The following GIPC2 variants were observed in gnomAD, a reference collection of about 807,000 sequenced individuals.
The protein encoded by GIPC2 is PDZ domain-containing protein GIPC2.
GIPC2 carries 30 observed loss-of-function variants against 30.6 expected under a neutral mutation model. The observed-to-expected ratio is 0.98, with a 90% CI of 0.73 to 1.33. The LOEUF (loss-of-function observed/expected upper bound fraction) is 1.33. Among genes scored for constraint, GIPC2 ranks in the 40% most tolerant of loss-of-function variants. GIPC2 has a pLI of 0.00. For synonymous variants in GIPC2, 167 were observed against 150.0 expected, an observed-to-expected ratio of 1.11 and a Z score of -0.83; for missense variants, 414 against 390.3, an observed-to-expected ratio of 1.06 and a Z score of -0.51.
upstream of GIPC2, chr1:78,045,486 A>G: frequency 1.2e-6 from 1 of 859,942 alleles, no homozygotes; most frequent in Non-Finnish European, 1.4e-6. Context: ...GAAGCAGCCC[A>G]GGAAATAGGC....
At chr1:78,098,686 C>T (rs1019995762) in intron 3 of GIPC2, among the ~76,000 whole-genome samples, 1 of 152,074 alleles carries the variant, frequency 6.6e-6, no homozygotes, top group Non-Finnish European at 1.5e-5. Context: ...CCTTAGAATG[C>T]AACTGGATTT....
At chr1:78,100,235 A>G (rs1033756087) in intron 3 of GIPC2, among the ~76,000 whole-genome samples, 10 of 152,222 alleles carry the variant, frequency 6.6e-5, no homozygotes, top group Admixed American at 2.6e-4. Context: ...TGCTGGAGCC[A>G]TTTGTACACA....
intron 1 of GIPC2, among the ~76,000 whole-genome samples, chr1:78,052,293 T>C (rs1038635393): frequency 3.3e-5 from 5 of 152,234 alleles, no homozygotes; most frequent in Admixed American, 3.3e-4. Context: ...ATATTTAACT[T>C]ATTTTGTTTA....
chr1:78,121,580 G>A (rs578251994), intron 4 of GIPC2, among the ~76,000 whole-genome samples: 1 of 152,222 alleles, frequency 6.6e-6, no homozygotes, highest in Non-Finnish European at 1.5e-5. Context: ...TCAGTTTTGG[G>A]GGGATCTAGA....
At chr1:78,047,359 G>A (rs1661114123) in intron 1 of GIPC2, among the ~76,000 whole-genome samples, 1 of 152,156 alleles carries the variant, frequency 6.6e-6, no homozygotes, top group Non-Finnish European at 1.5e-5. Context: ...TCTGTTCAAG[G>A]GAAATTGAGG....
intron 1 of GIPC2, among the ~76,000 whole-genome samples, chr1:78,062,759 C>G (rs143439027): frequency 1.6e-3 from 239 of 152,040 alleles, no homozygotes; most frequent in African/African-American, 5.5e-3. Flanking sequence ...GGTGGTCCAC[C>G]CACCCAAAGT....
chr1:78,101,876 C>T (rs1458473957), intron 3 of GIPC2, among the ~76,000 whole-genome samples: 1 of 152,210 alleles, frequency 6.6e-6, no homozygotes, highest in African/African-American at 2.4e-5. Context: ...GAAAATCCCT[C>T]TTCCATTTAA....
intron 3 of GIPC2, among the ~76,000 whole-genome samples, chr1:78,116,787 G>T (rs1662576006): frequency 6.6e-6 from 1 of 152,126 alleles, no homozygotes; most frequent in African/African-American, 2.4e-5. Flanking sequence ...CCAAGTCTTT[G>T]CTATTGTGAA....
In GIPC2 at chr1:78,078,144, C is replaced by T. The variant is rs552215763; in HGVS notation, c.241-2531C>T. On this transcript the variant is annotated intron_variant, in intron 1 of 5. Transcript: ENST00000370759. ...CGGAGCTTGCAGTGAGCCGAGATCCCGCCACTGCACTCCAGCCTGGGCGAC... is the reference window on the plus strand; with the variant it reads ...CGGAGCTTGCAGTGAGCCGAGATCCTGCCACTGCACTCCAGCCTGGGCGAC... 3.5e-5 allele frequency among the ~76,000 whole-genome samples: 5 copies of T among 141,608 alleles called. No individual in the cohort carries two copies. In the East Asian group the frequency reaches 6.2e-4, roughly 18 times the overall value. The allele number at this position is 141,608 out of a possible 152,430, so 92.9% of individuals were successfully genotyped here. A position where few individuals can be genotyped will look rare whatever the true frequency, so the allele number is the denominator to read the frequency against.
chr1:78,089,965 T>C (rs770846845), intron 2 of GIPC2, among the ~76,000 whole-genome samples: 2 of 152,222 alleles, frequency 1.3e-5, no homozygotes, highest in Non-Finnish European at 2.9e-5. Context: ...AACTTACTCA[T>C]AGACACTGTA....
intron 3 of GIPC2, among the ~76,000 whole-genome samples, chr1:78,101,325 A>G (rs2100391830): frequency 6.6e-6 from 1 of 152,266 alleles, no homozygotes; most frequent in East Asian, 1.9e-4. Flanking sequence ...TAGAAAATGT[A>G]CCCTCAGAAT....
In GIPC2 at chr1:78,137,368, G is replaced by A. The variant is rs975644541; in HGVS notation, c.*1625G>A. ...TATTTTTAGGCATAAGATGACTTAG[G>A]AGGCCCATAGAAACATTCTCGTTTA... is the stretch of plus-strand genomic sequence containing the variant. On this transcript the variant is annotated 3_prime_UTR_variant, in exon 6 of 6. Coordinates refer to ENST00000370759, the MANE Select transcript of GIPC2 (RefSeq NM_017655.6). 1 of 152,030 alleles carries A rather than the reference G, an allele frequency of 6.6e-6. No individual in the cohort carries two copies. The highest frequency in any genetic ancestry group is 1.5e-5 in the Non-Finnish European group (1 of 67,976). The allele number at this position is 152,030 out of a possible 1,614,324, so 9.4% of individuals were successfully genotyped here.
At chr1:78,115,270 G>A (rs1326443997) in intron 3 of GIPC2, among the ~76,000 whole-genome samples, 8 of 152,026 alleles carry the variant, frequency 5.3e-5, no homozygotes, top group Admixed American at 4.6e-4. Flanking sequence ...AGTCAGATTG[G>A]CAATATATTA....
At chr1:78,069,107 A>G (rs1661571766) in intron 1 of GIPC2, 2 of 985,040 alleles carry the variant, frequency 2.0e-6, no homozygotes, top group East Asian at 2.3e-4. Context: ...GTTGCTGATA[A>G]TCAACAACTC....
chr1:78,056,263 G>A (rs776318945), intron 1 of GIPC2, among the ~76,000 whole-genome samples: 34 of 152,268 alleles, frequency 2.2e-4, no homozygotes, highest in Non-Finnish European at 4.9e-4. Context: ...GATCACTTGA[G>A]CTCAGGAGTT....
At position 78,095,244 on chromosome 1, in the gene GIPC2, T is replaced by G. The variant is rs1662116035; in HGVS notation, c.607+112T>G. On this transcript the variant is annotated intron_variant, in intron 3 of 5. Transcript: ENST00000370759. ...GCTATGTGCTTTTAGTGTCTTCTTA[T>G]CTAACATATCAGTTAAAAACATAGA... 1.5e-5 allele frequency: 10 copies of G among 655,688 alleles called. No homozygotes were observed. The South Asian group carries it at 1.9e-4, about 12-fold the overall frequency. The allele number at this position is 655,688 out of a possible 1,614,324, so 40.6% of individuals were successfully genotyped here. A position where few individuals can be genotyped will look rare whatever the true frequency, so the allele number is the denominator to read the frequency against.
At chr1:78,081,461 A>G (rs1232268137) in intron 2 of GIPC2, among the ~76,000 whole-genome samples, 1 of 152,186 alleles carries the variant, frequency 6.6e-6, no homozygotes, top group Non-Finnish European at 1.5e-5. Context: ...TAATCTAGAG[A>G]TGATTTAAAG....
chr1:78,046,459 G>A lies in GIPC2; in HGVS notation c.240+125G>A, dbSNP rs1172886624. ...AGCGCGAAATCCGATGCCGTGTTGA[G>A]TCCGCCGGGGGCGTCCCGGGGGAAA... On this transcript the variant is annotated intron_variant, in intron 1 of 5. Coordinates refer to ENST00000370759, the MANE Select transcript of GIPC2 (RefSeq NM_017655.6). The A allele has an allele frequency of 2.6e-5, 22 of 840,798 alleles. No homozygotes were observed. The Admixed American group carries it at 5.0e-4, about 19-fold the overall frequency. 52.1% of individuals were successfully genotyped at this position (840,798 alleles called of 1,614,324 possible). A position where few individuals can be genotyped will look rare whatever the true frequency, so the allele number is the denominator to read the frequency against.
At chr1:78,096,493 T>C (rs74994662) in intron 3 of GIPC2, among the ~76,000 whole-genome samples, 2 of 138,692 alleles carry the variant, frequency 1.4e-5, no homozygotes, top group Non-Finnish European at 3.0e-5. Flanking sequence ...ATTTTTCTGT[T>C]TTTTTTTTTT....
Sources: allele counts gnomAD v4.1 joint callset (sites outside exome capture counted in the v4.1 genomes callset), GRCh38; gene constraint gnomAD v4.1.1; transcripts MANE v1.5; gene names NCBI Gene and HGNC (gene_info 2026-07-23, HGNC 2026-07-21).